Variants in ZBTB41 observed in about 807,000 individuals in gnomAD.
The protein encoded by ZBTB41 is zinc finger and BTB domain-containing protein 41.
In ZBTB41, 42 loss-of-function variants were observed where a neutral mutation model predicts 87.6. The ratio of observed to expected loss-of-function variants is 0.48; its 90% CI spans 0.37 to 0.62. ZBTB41 has a LOEUF of 0.62. Ranked by LOEUF, ZBTB41 falls within the 20% of genes least tolerant of loss-of-function variation. The pLI, the probability that ZBTB41 is intolerant of heterozygous loss-of-function variation, is 0.00. For missense variants in ZBTB41, 799 were observed against 1,078.9 expected (o/e 0.74, Z 3.63); for synonymous variants, 364 against 364.0 (o/e 1.00, Z 0.00).
At chr1:197,194,528 T>C (rs372659170) in intron 2 of ZBTB41, among the ~76,000 whole-genome samples, 7 of 151,642 alleles carry the variant, frequency 4.6e-5, no homozygotes, top group African/African-American at 7.3e-5. Context: ...ACTGAAGTCA[T>C]TGAAATGGCA....
intron 10 of ZBTB41, among the ~76,000 whole-genome samples, chr1:197,160,748 A>T (rs1659182527): frequency 6.6e-6 from 1 of 152,174 alleles, no homozygotes; most frequent in African/African-American, 2.4e-5. Flanking sequence ...AGGAAGCTGT[A>T]GATACTTATG....
In ZBTB41 at chr1:197,155,679, A is replaced by G. The variant is rs1659049839; in HGVS notation, c.*3680T>C. On this transcript the variant is annotated 3_prime_UTR_variant, in exon 11 of 11. Transcript: ENST00000367405. ...TTAATTAGCAGTTTAGAGTCACCCTACAAAGATGCTTTGACACTTTTTAAG... is the reference window on the plus strand; with the variant it reads ...TTAATTAGCAGTTTAGAGTCACCCTGCAAAGATGCTTTGACACTTTTTAAG... 6.6e-6 allele frequency: 1 copy of G among 152,416 alleles called. No individual in the cohort carries two copies. Among genetic ancestry groups the G allele is most frequent in the East Asian group, 1.9e-4 (1 of 5,204 alleles). 9.4% of individuals were successfully genotyped at this position (152,416 alleles called of 1,614,324 possible).
intron 10 of ZBTB41, among the ~76,000 whole-genome samples, chr1:197,170,536 G>A (rs2125127005): frequency 6.6e-6 from 1 of 152,174 alleles, no homozygotes; most frequent in Non-Finnish European, 1.5e-5. Flanking sequence ...TGTTTACTGT[G>A]AAGAATTACT....
Position 197,157,418 on chromosome 1 carries a change from A to T in ZBTB41, c.*1941T>A, listed in dbSNP as rs1339507549. On this transcript the variant is annotated 3_prime_UTR_variant, in exon 11 of 11. Transcript: ENST00000367405. Reference sequence around the variant, plus strand: ...TACATTTTTATGTATGATTTCTTTCATTATAGTAAGATTTTTAGTTATAAT... The same window carrying T: ...TACATTTTTATGTATGATTTCTTTCTTTATAGTAAGATTTTTAGTTATAAT... The T allele has an allele frequency of 5.3e-5, 8 of 151,568 alleles. No homozygotes were observed. Among genetic ancestry groups the T allele is most frequent in the Non-Finnish European group, 1.2e-4 (8 of 67,654 alleles). 9.4% of individuals were successfully genotyped at this position (151,568 alleles called of 1,614,324 possible).
At chr1:197,197,341 A>C (rs557202601) in intron 2 of ZBTB41, among the ~76,000 whole-genome samples, 1 of 152,168 alleles carries the variant, frequency 6.6e-6, no homozygotes, top group East Asian at 1.9e-4. Context: ...AGATATAGAT[A>C]TAGATACACT....
At chr1:197,172,073 G>C (rs1329929762) in intron 10 of ZBTB41, 87 bp downstream of exon 10, 5 of 495,758 alleles carry the variant, frequency 1.0e-5, no homozygotes, top group Non-Finnish European at 1.6e-5. Context: ...GAACAACAAA[G>C]TTTAAATGCC....
chr1:197,173,232 C>A (rs774941144), intron 9 of ZBTB41, among the ~76,000 whole-genome samples: 2 of 152,088 alleles, frequency 1.3e-5, no homozygotes, highest in Admixed American at 1.3e-4. Flanking sequence ...TTAACATATC[C>A]ATTGAGTTTT....
rs1271421806 is a variant in ZBTB41 at position 197,172,202 on chromosome 1, T to C, written c.2032A>G (p.Lys678Glu). 2.1e-6 allele frequency: 3 copies of C among 1,438,780 alleles called. No homozygotes were observed. The highest frequency in any genetic ancestry group is 2.8e-6 in the Non-Finnish European group (3 of 1,084,456). 89.1% of individuals were successfully genotyped at this position (1,438,780 alleles called of 1,614,324 possible). A position where few individuals can be genotyped will look rare whatever the true frequency, so the allele number is the denominator to read the frequency against. Residue 678 changes from lysine to glutamate, a missense_variant, in exon 10 of 11, where the codon AAA becomes GAA. This residue lies in a region of ZBTB41 where 198 missense variants were observed against 358.4 expected (regional missense o/e 0.55). Transcript: ENST00000367405. ...TGCATTTCCAGACTTGATTTGCCTT[T>C]AAAAATTTTCTTACAAACATCACAT... ...HQCDVCKKIF[K>E]GKSSLEMHFR... is the part of the protein sequence containing the mutation.
Position 197,188,657 on chromosome 1 carries a change from A to G in ZBTB41, c.1399-218T>C, listed in dbSNP as rs184884909. On this transcript the variant is annotated intron_variant, in intron 4 of 10. Transcript: ENST00000367405. ...TAGTACTAAAGGTAGCTGAATTTCA[A>G]CTCTTTACATTTCTAGTAGGGATAC... 2.8e-3 allele frequency among the ~76,000 whole-genome samples: 431 copies of G among 152,244 alleles called. 1 individual carries two copies. The highest frequency in any genetic ancestry group is 4.4e-3 in the Admixed American group (68 of 15,294).
rs1316908551 is a variant in ZBTB41 at position 197,157,901 on chromosome 1, T to A, written c.*1458A>T. 1.7e-5 allele frequency: 1 copy of A among 57,674 alleles called. No individual in the cohort carries two copies. The highest frequency in any genetic ancestry group is 4.4e-5 in the African/African-American group (1 of 22,916). 3.6% of individuals were successfully genotyped at this position (57,674 alleles called of 1,614,324 possible). A position where few individuals can be genotyped will look rare whatever the true frequency, so the allele number is the denominator to read the frequency against. On this transcript the variant is annotated 3_prime_UTR_variant, in exon 11 of 11. Transcript: ENST00000367405. ...ACAAGGGCTGGGCTAGACTTTACAG[T>A]TTACACACACAAAAAAAGTGCTTAA...
At chr1:197,190,477 C>T in intron 4 of ZBTB41, among the ~76,000 whole-genome samples, 1 of 152,180 alleles carries the variant, frequency 6.6e-6, no homozygotes, top group Non-Finnish European at 1.5e-5. Context: ...ATTTTATACT[C>T]TGTGCAACAG....
In ZBTB41 at chr1:197,199,814, CT is replaced by C; in HGVS notation, c.659del (p.Lys220SerfsTer3). ...KFCSRHFCYK[K>X]SLENHLAKTH... ...TTTTAGCCAAATGATTCTCTAAAGA[CT>C]TTTTATAACAAAAATGTCTACTACA... On this transcript the variant is annotated frameshift_variant, in exon 2 of 11. Coordinates refer to ENST00000367405, the MANE Select transcript of ZBTB41 (RefSeq NM_194314.3). LOFTEE classifies it high-confidence loss of function. 6.2e-7 allele frequency: 1 copy of C among 1,610,752 alleles called. No individual in the cohort carries two copies. The highest frequency in any genetic ancestry group is 1.1e-5 in the South Asian group (1 of 90,242).
chr1:197,190,756 T>C lies in ZBTB41; in HGVS notation c.1398+6A>G, dbSNP rs1329710326. The C allele has an allele frequency of 1.3e-6, 2 of 1,567,588 alleles. No homozygotes were observed. The highest frequency in any genetic ancestry group is 1.2e-5 in the South Asian group (1 of 86,080). On this transcript the variant is annotated splice_donor_region_variant and intron_variant, in intron 4 of 10. Coordinates refer to ENST00000367405, the MANE Select transcript of ZBTB41 (RefSeq NM_194314.3). Reference sequence around the variant, plus strand: ...TTTCTAATTTGTTTTAATTAAAAACTCTTACATCACATTTCCAACTTTCAC... The same window carrying C: ...TTTCTAATTTGTTTTAATTAAAAACCCTTACATCACATTTCCAACTTTCAC...
intron 2 of ZBTB41, among the ~76,000 whole-genome samples, chr1:197,196,927 C>G (rs1283841843): frequency 1.5e-5 from 2 of 136,872 alleles, no homozygotes; most frequent in Non-Finnish European, 3.2e-5. Flanking sequence ...CCTTAGTCTT[C>G]TATACTTATC....
chr1:197,159,166 A>T lies in ZBTB41; in HGVS notation c.*193T>A, dbSNP rs78235125. The T allele has an allele frequency of 7.3e-4, 412 of 563,152 alleles. 7 individuals are homozygous for T. The East Asian group carries it at 0.012, about 16-fold the overall frequency. 34.9% of individuals were successfully genotyped at this position (563,152 alleles called of 1,614,324 possible). Reference sequence around the variant, plus strand: ...AAAATCACAAAAATGTGCACTTCAAATATTATGCCAGAAATTTTGTCCAAA... The same window carrying T: ...AAAATCACAAAAATGTGCACTTCAATTATTATGCCAGAAATTTTGTCCAAA... On this transcript the variant is annotated 3_prime_UTR_variant, in exon 11 of 11. Transcript: ENST00000367405.
chr1:197,160,325 T>C (rs564811771), intron 10 of ZBTB41, among the ~76,000 whole-genome samples: 1 of 152,264 alleles, frequency 6.6e-6, no homozygotes, highest in South Asian at 2.1e-4. Flanking sequence ...AGTTGGTAAA[T>C]GGACCAAAAG....
intron 10 of ZBTB41, among the ~76,000 whole-genome samples, chr1:197,167,356 G>A (rs1302572555): frequency 6.6e-6 from 1 of 151,968 alleles, no homozygotes; most frequent in Non-Finnish European, 1.5e-5. Context: ...CACCACGCTT[G>A]GCTAATTTTT....
intron 5 of ZBTB41, among the ~76,000 whole-genome samples, chr1:197,187,702 G>A (rs779362357): frequency 6.6e-6 from 1 of 152,000 alleles, no homozygotes; most frequent in Non-Finnish European, 1.5e-5. Flanking sequence ...ATACTAAGTG[G>A]AAGAAGGCAA....
intron 2 of ZBTB41, among the ~76,000 whole-genome samples, chr1:197,198,583 T>C (rs1367831290): frequency 3.9e-5 from 6 of 152,160 alleles, no homozygotes; most frequent in Admixed American, 3.9e-4. Flanking sequence ...AAAGTTTACA[T>C]TAGAACAGTT....
Sources: allele counts gnomAD v4.1 joint callset (sites outside exome capture counted in the v4.1 genomes callset), GRCh38; gene constraint gnomAD v4.1.1; regional missense constraint gnomAD v4.1.1; transcripts MANE v1.5; gene names NCBI Gene and HGNC (gene_info 2026-07-23, HGNC 2026-07-21).